Variants in NTRK2 observed in about 807,000 individuals in gnomAD.
NTRK2 encodes BDNF/NT-3 growth factors receptor.
NTRK2 carries 13 observed loss-of-function variants against 94.5 expected under a neutral mutation model. The observed-to-expected ratio is 0.14, with a 90% CI of 0.09 to 0.22. The LOEUF is 0.22. NTRK2 is among the 10% of genes least tolerant of loss of function. The probability of loss-of-function intolerance (pLI) is 1.00; values close to 1 mark genes in which losing one functional copy is unlikely to be tolerated. For missense variants in NTRK2, 639 were observed against 1,071.2 expected, an observed-to-expected ratio of 0.60 and a Z score of 5.63; for synonymous variants, 372 against 407.4, an observed-to-expected ratio of 0.91 and a Z score of 1.05.
chr9:84,943,167 G>A (rs1477449564), intron 15 of NTRK2, among the ~76,000 whole-genome samples: 1 of 152,064 alleles, frequency 6.6e-6, no homozygotes, highest in Non-Finnish European at 1.5e-5. Flanking sequence ...CTTTTAAAAA[G>A]AACACAACCT....
chr9:84,833,845 C>G (rs2073716738), intron 12 of NTRK2, among the ~76,000 whole-genome samples: 1 of 152,170 alleles, frequency 6.6e-6, no homozygotes, highest in African/African-American at 2.4e-5. Context: ...GGCTATATCC[C>G]AGACCTAAGT....
chr9:84,715,557 T>G (rs1222391313), intron 6 of NTRK2, among the ~76,000 whole-genome samples: 1 of 152,178 alleles, frequency 6.6e-6, no homozygotes, highest in East Asian at 1.9e-4. Context: ...TTAGAAAAAC[T>G]TTGTTAATTG....
chr9:84,998,522 TACA>T (rs1235880696), intron 17 of NTRK2, among the ~76,000 whole-genome samples: 1 of 152,204 alleles, frequency 6.6e-6, no homozygotes, highest in Non-Finnish European at 1.5e-5. Flanking sequence ...TAGGCGGCTT[TACA>T]ACGACTGTAA....
At chr9:84,816,241 C>CA (rs2072384507) in intron 12 of NTRK2, among the ~76,000 whole-genome samples, 1 of 152,004 alleles carries the variant, frequency 6.6e-6, no homozygotes, top group African/African-American at 2.4e-5. Context: ...AGCATGGTGC[C>CA]CACACTTCAT....
At chr9:84,775,074 T>C (rs1343610808) in intron 12 of NTRK2, among the ~76,000 whole-genome samples, 1 of 152,244 alleles carries the variant, frequency 6.6e-6, no homozygotes, top group Non-Finnish European at 1.5e-5. Flanking sequence ...GTATATAAGA[T>C]GAGATAGAAA....
At chr9:84,765,929 G>T (rs555535601) in intron 12 of NTRK2, among the ~76,000 whole-genome samples, 26 of 152,156 alleles carry the variant, frequency 1.7e-4, no homozygotes, top group African/African-American at 6.0e-4. Context: ...AAAAAATATG[G>T]TTTAAACAAT....
At chr9:84,736,479 G>A (rs1312402916) in intron 9 of NTRK2, among the ~76,000 whole-genome samples, 1 of 152,154 alleles carries the variant, frequency 6.6e-6, no homozygotes, top group African/African-American at 2.4e-5. Flanking sequence ...AGAACGAGGG[G>A]AGAGGAAATT....
At chr9:84,953,058 G>T (rs567745104) in intron 16 of NTRK2, among the ~76,000 whole-genome samples, 1 of 152,204 alleles carries the variant, frequency 6.6e-6, no homozygotes, top group East Asian at 1.9e-4. Context: ...GTGCACCCCA[G>T]CCCCTTCTCC....
At chr9:84,891,456 T>A (rs971615532) in intron 14 of NTRK2, among the ~76,000 whole-genome samples, 6 of 152,128 alleles carry the variant, frequency 3.9e-5, no homozygotes, top group African/African-American at 1.4e-4. Flanking sequence ...CTCCTATATG[T>A]GTTATAAAAA....
At chr9:84,738,095 G>A (rs1381265113) in intron 9 of NTRK2, among the ~76,000 whole-genome samples, 1 of 151,152 alleles carries the variant, frequency 6.6e-6, no homozygotes, top group East Asian at 1.9e-4. Context: ...GGGTTGAATA[G>A]AGTTCCTGGA....
intron 14 of NTRK2, among the ~76,000 whole-genome samples, chr9:84,922,750 C>G (rs2077608954): frequency 6.6e-6 from 1 of 152,208 alleles, no homozygotes; most frequent in Non-Finnish European, 1.5e-5. Context: ...CATTGACTTC[C>G]CCTTCCTCTT....
intron 17 of NTRK2, 199 bp downstream of exon 17, chr9:84,955,716 C>G (rs1824032035): frequency 1.5e-6 from 1 of 664,428 alleles, no homozygotes; most frequent in East Asian, 2.8e-5. Flanking sequence ...GGCCTCGCTC[C>G]TTGGCTTGCA....
chr9:84,899,941 C>G (rs932454193), intron 14 of NTRK2, among the ~76,000 whole-genome samples: 1 of 152,172 alleles, frequency 6.6e-6, no homozygotes, highest in African/African-American at 2.4e-5. Flanking sequence ...CTGCCCTACC[C>G]AAGTCTTAGG....
chr9:84,844,178 G>T (rs1026829482), intron 12 of NTRK2, among the ~76,000 whole-genome samples: 2 of 152,212 alleles, frequency 1.3e-5, no homozygotes, highest in African/African-American at 4.8e-5. Flanking sequence ...CTTTTCAGCT[G>T]CAGCATGGCG....
At chr9:85,012,199 G>T (rs1248507873) in intron 17 of NTRK2, among the ~76,000 whole-genome samples, 1 of 151,958 alleles carries the variant, frequency 6.6e-6, no homozygotes, top group Non-Finnish European at 1.5e-5. Context: ...ATGTTGGCCA[G>T]GATGGTCTCG....
intron 12 of NTRK2, among the ~76,000 whole-genome samples, chr9:84,776,324 C>G (rs995786863): frequency 6.6e-6 from 1 of 152,114 alleles, no homozygotes; most frequent in South Asian, 2.1e-4. Context: ...CAGGTTCAAG[C>G]GATTCTTATG....
At chr9:84,867,497 C>G (rs2075647875) in intron 14 of NTRK2, 66 bp downstream of exon 14, 1 of 1,365,474 alleles carries the variant, frequency 7.3e-7, no homozygotes, top group Non-Finnish European at 1.0e-6. Flanking sequence ...GAGTGTTTAT[C>G]AGAGCCCCTG....
At position 85,022,301 on chromosome 9, in the gene NTRK2, G is replaced by A. The variant is rs200487805; in HGVS notation, c.*864G>A. 4.3e-5 allele frequency: 10 copies of A among 233,104 alleles called. No individual in the cohort carries two copies. Among genetic ancestry groups the A allele is most frequent in the Non-Finnish European group, 6.8e-5 (8 of 118,024 alleles). The allele number at this position is 233,104 out of a possible 1,614,324, so 14.4% of individuals were successfully genotyped here. A position where few individuals can be genotyped will look rare whatever the true frequency, so the allele number is the denominator to read the frequency against. ...TTCCCATCACCAGAAATGATAGCGT[G>A]CAGTAGAGAGCAAAGATGGCTTCCG... is the stretch of plus-strand genomic sequence containing the variant. On this transcript the variant is annotated 3_prime_UTR_variant, in exon 19 of 19. Transcript: ENST00000277120.
At chr9:84,870,126 T>TATACACAC (rs774255186) in intron 14 of NTRK2, among the ~76,000 whole-genome samples, 2 of 95,654 alleles carry the variant, frequency 2.1e-5, no homozygotes, top group African/African-American at 8.5e-5. Flanking sequence ...TATATATATA[T>TATACACAC]ACACACACAC....
Sources: gnomAD v4.1 joint callset for allele counts (sites outside exome capture counted in the v4.1 genomes callset) on GRCh38, gnomAD v4.1.1 for gene constraint, MANE v1.5 for transcripts, NCBI Gene and HGNC (gene_info 2026-07-23, HGNC 2026-07-21) for gene names.